The following ZSCAN30 variants were observed in gnomAD, a reference collection of about 807,000 sequenced individuals.
ZSCAN30 encodes zinc finger and SCAN domain-containing protein 30.
ZSCAN30 carries 37 observed loss-of-function variants against 44.3 expected under a neutral mutation model. The ratio of observed to expected loss-of-function variants is 0.84; its 90% CI spans 0.64 to 1.10. The LOEUF is 1.10. Among genes scored for constraint, ZSCAN30 ranks in the 50% least tolerant of loss-of-function variants. The probability of loss-of-function intolerance (pLI) is 0.00; values close to 1 mark genes in which losing one functional copy is unlikely to be tolerated. For missense variants in ZSCAN30, 549 were observed against 582.6 expected (o/e 0.94, Z 0.59); for synonymous variants, 181 against 204.6 (o/e 0.88, Z 0.98).
intron 1 of ZSCAN30, among the ~76,000 whole-genome samples, chr18:35,266,178 A>G (rs1265222277): frequency 1.3e-5 from 2 of 152,200 alleles, no homozygotes; most frequent in African/African-American, 4.8e-5. Context: ...GCTTCTGATG[A>G]GCAGCCAGGT....
At position 35,273,891 on chromosome 18, in the gene ZSCAN30, A is replaced by G. The variant is rs111717348; in HGVS notation, c.-103-9436T>C. 1.4e-3 allele frequency among the ~76,000 whole-genome samples: 212 copies of G among 152,360 alleles called. 3 individuals are homozygous for G. The highest frequency in any genetic ancestry group is 4.7e-3 in the African/African-American group (196 of 41,582). The stretch of plus-strand genomic sequence containing the variant: ...TTTATCCAAATCTAATTATCCTAAC[A>G]TAAGAAACTCCAGTGATTCTACTTC... On this transcript the variant is annotated intron_variant, in intron 1 of 3. Transcript: ENST00000333206.
intron 1 of ZSCAN30, among the ~76,000 whole-genome samples, chr18:35,270,551 G>A (rs910670937): frequency 1.3e-5 from 2 of 151,950 alleles, no homozygotes; most frequent in African/African-American, 4.8e-5. Flanking sequence ...TTTTAATTCA[G>A]AATTTCTCTT....
At chr18:35,275,391 G>A (rs150990339) in intron 1 of ZSCAN30, among the ~76,000 whole-genome samples, 184 of 152,272 alleles carry the variant, frequency 1.2e-3, no homozygotes, top group African/African-American at 4.0e-3. Flanking sequence ...ACCTTTGCAC[G>A]AAGTTTATTT....
chr18:35,263,492 A>C (rs940930418), intron 3 of ZSCAN30, 21 bp downstream of exon 3: 16 of 1,613,812 alleles, frequency 9.9e-6, no homozygotes, highest in Admixed American at 1.7e-5. Flanking sequence ...CCTCAACCCC[A>C]CATGGACTGG....
intron 1 of ZSCAN30, among the ~76,000 whole-genome samples, chr18:35,279,801 A>G (rs181332127): frequency 6.6e-6 from 1 of 152,312 alleles, no homozygotes; most frequent in Admixed American, 6.5e-5. Context: ...TCCAAATACT[A>G]TCACATGAGG....
chr18:35,264,534 GC>G, intron 1 of ZSCAN30, 79 bp from the exon 2 acceptor site: 1 of 635,370 alleles, frequency 1.6e-6, no homozygotes, highest in Non-Finnish European at 2.6e-6. Flanking sequence ...AAGCCCAGTT[GC>G]CAGGGAGCAT....
intron 1 of ZSCAN30, chr18:35,269,007 A>C (rs1457915514): frequency 6.6e-6 from 1 of 152,222 alleles, no homozygotes; most frequent in Non-Finnish European, 1.5e-5. Context: ...AATAGGAGGA[A>C]AGTGGAGGGT....
intron 1 of ZSCAN30, among the ~76,000 whole-genome samples, chr18:35,275,439 A>T (rs1173337886): frequency 6.6e-6 from 1 of 152,160 alleles, no homozygotes; most frequent in Non-Finnish European, 1.5e-5. Context: ...CTCACCCCTC[A>T]TTCTTAAATG....
At chr18:35,271,919 CGGCGCT>C (rs1301936312) in intron 1 of ZSCAN30, among the ~76,000 whole-genome samples, 2 of 152,098 alleles carry the variant, frequency 1.3e-5, no homozygotes, top group African/African-American at 4.8e-5. Context: ...CTGGGGCCGG[CGGCGCT>C]GGCCGGCCGC....
intron 1 of ZSCAN30, among the ~76,000 whole-genome samples, chr18:35,286,581 TA>T (rs1425341250): frequency 6.6e-6 from 1 of 152,094 alleles, no homozygotes; most frequent in Non-Finnish European, 1.5e-5. Context: ...ATTCCTGATA[TA>T]AATTCTCACC....
intron 3 of ZSCAN30, chr18:35,255,646 C>G (rs1326692696): frequency 1.3e-5 from 2 of 154,228 alleles, no homozygotes; most frequent in Admixed American, 1.3e-4. Context: ...AAAATGAATA[C>G]CTATTTCTGA....
At chr18:35,278,025 A>G (rs1347553844) in intron 1 of ZSCAN30, among the ~76,000 whole-genome samples, 1 of 152,118 alleles carries the variant, frequency 6.6e-6, no homozygotes, top group East Asian at 1.9e-4. Context: ...TTTATGTTGT[A>G]CTTCACTTTT....
chr18:35,255,625 G>T (rs977391260), intron 3 of ZSCAN30, among the ~76,000 whole-genome samples: 1 of 152,068 alleles, frequency 6.6e-6, no homozygotes, highest in African/African-American at 2.4e-5. Flanking sequence ...AAAGCATTAT[G>T]CTTTTATATA....
chr18:35,254,876 C>T (rs2043743053), intron 3 of ZSCAN30: 1 of 162,926 alleles, frequency 6.1e-6, no homozygotes, highest in Non-Finnish European at 1.4e-5. Context: ...AGCTGGGCAG[C>T]AACTAGAAAG....
At chr18:35,268,461 G>GA (rs764656821) in intron 1 of ZSCAN30, 1 of 152,222 alleles carries the variant, frequency 6.6e-6, no homozygotes, top group Non-Finnish European at 1.5e-5. Flanking sequence ...AGGTCTTTTG[G>GA]AAAATAAACG....
intron 1 of ZSCAN30, chr18:35,267,798 C>G (rs771775176): frequency 6.6e-6 from 1 of 152,016 alleles, no homozygotes; most frequent in African/African-American, 2.4e-5. Context: ...ATGTCGCGGG[C>G]TGGTATACCA....
At chr18:35,280,631 C>T (rs1693488210) in intron 1 of ZSCAN30, among the ~76,000 whole-genome samples, 2 of 152,214 alleles carry the variant, frequency 1.3e-5, no homozygotes, top group African/African-American at 4.8e-5. Context: ...CCATTATTTT[C>T]TTTTCTGAAT....
Position 35,254,103 on chromosome 18 carries a change from T to A in ZSCAN30, c.832A>T (p.Ser278Cys), listed in dbSNP as rs550216234. The change falls in exon 4 of 4, where the codon AGT becomes TGT. Residue 278 changes from serine (S) to cysteine (C), a missense_variant. By Grantham distance (112) the Ser-to-Cys change is moderately radical (BLOSUM62 -1). Transcript: ENST00000333206. ...TEHSVLESHE[S>C]EGSFSMNSND... ...GAATTCATACTGAAACTTCCTTCAC[T>A]CTCATGAGATTCAAGGACACTGTGT... 4.5e-5 allele frequency: 73 copies of A among 1,614,052 alleles called. No individual in the cohort carries two copies. In the South Asian group the frequency reaches 7.2e-4, roughly 16 times the overall value.
At chr18:35,257,715 T>C (rs1162030680) in intron 3 of ZSCAN30, among the ~76,000 whole-genome samples, 1 of 152,156 alleles carries the variant, frequency 6.6e-6, no homozygotes, top group Non-Finnish European at 1.5e-5. Flanking sequence ...CTGTGGAGAA[T>C]TACCCAGGCT....
Sources: allele counts gnomAD v4.1 joint callset (sites outside exome capture counted in the v4.1 genomes callset), GRCh38; gene constraint gnomAD v4.1.1; transcripts MANE v1.5; gene names NCBI Gene and HGNC (gene_info 2026-07-23, HGNC 2026-07-21).